GMDS: variants seen among roughly 807,000 people sequenced by gnomAD.
GMDS encodes GDP-mannose 4,6 dehydratase.
GMDS carries 20 observed loss-of-function variants against 49.9 expected under a neutral mutation model. The ratio of observed to expected loss-of-function variants is 0.40; its 90% CI spans 0.28 to 0.58. GMDS has a LOEUF of 0.58. GMDS is among the 20% of genes least tolerant of loss of function. The probability of loss-of-function intolerance (pLI) is 0.42; values close to 1 mark genes in which losing one functional copy is unlikely to be tolerated. For synonymous variants in GMDS, 177 were observed against 178.6 expected (o/e 0.99, Z 0.07); for missense variants, 362 against 481.4 (o/e 0.75, Z 2.32).
intron 4 of GMDS, among the ~76,000 whole-genome samples, chr6:2,080,099 T>C (rs1014502522): frequency 1.3e-5 from 2 of 152,194 alleles, no homozygotes; most frequent in African/African-American, 4.8e-5. Flanking sequence ...ATCTAGACTA[T>C]TGTTGAATCT....
intron 4 of GMDS, among the ~76,000 whole-genome samples, chr6:1,968,525 G>A (rs148671272): frequency 9.9e-4 from 151 of 152,196 alleles, no homozygotes; most frequent in Admixed American, 9.1e-3. Flanking sequence ...CCCCTCTTGC[G>A]GGGTTTACAG....
intron 7 of GMDS, among the ~76,000 whole-genome samples, chr6:1,924,916 CCACTGCACTCCA>C (rs1280846276): frequency 3.3e-5 from 5 of 151,894 alleles, no homozygotes; most frequent in African/African-American, 1.2e-4. Flanking sequence ...CGAAATCGCA[CCACTGCACTCCA>C]GCCCGGGCGA....
At chr6:1,663,159 T>G (rs56008940) in intron 9 of GMDS, among the ~76,000 whole-genome samples, 19,544 of 152,224 alleles carry the variant, frequency 0.13, 1,685 homozygotes, top group Non-Finnish European at 0.18. Flanking sequence ...TTTCATAGTG[T>G]CTTATGGCTT....
At chr6:1,953,291 C>T (rs1054116288) in intron 6 of GMDS, among the ~76,000 whole-genome samples, 4 of 152,054 alleles carry the variant, frequency 2.6e-5, no homozygotes, top group Admixed American at 2.6e-4. Flanking sequence ...ATTCTACACT[C>T]ATACTGAAAA....
At chr6:1,769,695 G>A (rs1768501280) in intron 7 of GMDS, among the ~76,000 whole-genome samples, 2 of 146,618 alleles carry the variant, frequency 1.4e-5, no homozygotes, top group African/African-American at 5.1e-5. Context: ...GAGTTTAAAT[G>A]TTTTTTATTT....
rs1287915037 is a variant in GMDS, at chr6:1,652,429, A to C, written c.988-27889T>G. On this transcript the variant is annotated intron_variant, in intron 9 of 10. Coordinates refer to ENST00000380815, the MANE Select transcript of GMDS (RefSeq NM_001500.4). ...ATATATTATATATAATATATATATA[A>C]TATATTATATATATTTATATATTAT... Among the ~76,000 whole-genome samples the C allele has an allele frequency of 3.2e-4, 6 of 18,960 alleles. 1 individual carries two copies. The East Asian group carries it at 6.9e-3, about 22-fold the overall frequency. 12.4% of individuals were successfully genotyped at this position (18,960 alleles called of 152,430 possible).
At chr6:2,044,672 C>T (rs1769894007) in intron 4 of GMDS, among the ~76,000 whole-genome samples, 1 of 152,140 alleles carries the variant, frequency 6.6e-6, no homozygotes, top group Admixed American at 6.5e-5. Flanking sequence ...GGCGTGAGTT[C>T]ACCCATATAA....
rs554227232 is a variant in GMDS, at chr6:2,187,591, G to C, written c.102+57730C>G. On this transcript the variant is annotated intron_variant, in intron 1 of 10. Coordinates refer to ENST00000380815, the MANE Select transcript of GMDS (RefSeq NM_001500.4). Reference sequence around the variant, plus strand: ...CATGAGATCCTATCCTATGAGAGTGGTGCCACCATCACTCTGCCTACTTTC... The same window carrying C: ...CATGAGATCCTATCCTATGAGAGTGCTGCCACCATCACTCTGCCTACTTTC... 7.2e-5 allele frequency among the ~76,000 whole-genome samples: 11 copies of C among 152,266 alleles called. No homozygotes were observed. The South Asian group carries it at 2.3e-3, about 32-fold the overall frequency.
intron 4 of GMDS, among the ~76,000 whole-genome samples, chr6:1,987,957 C>T (rs927169365): frequency 6.6e-6 from 1 of 152,084 alleles, no homozygotes; most frequent in African/African-American, 2.4e-5. Flanking sequence ...CTTATGGTCA[C>T]AGTTAGTAAG....
intron 7 of GMDS, among the ~76,000 whole-genome samples, chr6:1,795,194 C>T (rs187146922): frequency 3.3e-5 from 5 of 152,164 alleles, no homozygotes; most frequent in Admixed American, 6.5e-5. Flanking sequence ...AGTCAGACTC[C>T]GTCTCAAAAA....
At chr6:1,927,599 T>G (rs1424999611) in intron 7 of GMDS, among the ~76,000 whole-genome samples, 1 of 152,258 alleles carries the variant, frequency 6.6e-6, no homozygotes, top group Admixed American at 6.5e-5. Context: ...GTGGGCCTGT[T>G]GTGCCCAGAT....
At chr6:1,781,411 C>T (rs1769079111) in intron 7 of GMDS, among the ~76,000 whole-genome samples, 1 of 152,226 alleles carries the variant, frequency 6.6e-6, no homozygotes, top group Non-Finnish European at 1.5e-5. Flanking sequence ...TGCTGTTGTG[C>T]TACTCTGGGC....
chr6:1,794,968 T>C (rs754429710), intron 7 of GMDS, among the ~76,000 whole-genome samples: 2 of 151,990 alleles, frequency 1.3e-5, no homozygotes, highest in African/African-American at 4.8e-5. Context: ...GGGTGGGTGA[T>C]TACTTGAGCC....
chr6:2,066,735 C>T (rs1771621147), intron 4 of GMDS, among the ~76,000 whole-genome samples: 1 of 152,044 alleles, frequency 6.6e-6, no homozygotes, highest in Non-Finnish European at 1.5e-5. Flanking sequence ...ATATATGCGC[C>T]CAATACAGGA....
At chr6:2,020,909 G>A (rs925212388) in intron 4 of GMDS, among the ~76,000 whole-genome samples, 11 of 152,186 alleles carry the variant, frequency 7.2e-5, no homozygotes, top group South Asian at 2.1e-4. Flanking sequence ...AAACCCCAGC[G>A]CTGCATATGT....
At chr6:1,655,059 CA>C (rs66508419) in intron 9 of GMDS, among the ~76,000 whole-genome samples, 18,872 of 117,198 alleles carry the variant, frequency 0.16, 1,111 homozygotes, top group Non-Finnish European at 0.2. Flanking sequence ...GATACCGTCT[CA>C]AAAAAAAAAA....
chr6:1,822,507 G>A lies in GMDS; in HGVS notation c.772-79921C>T, dbSNP rs577080788. Among the ~76,000 whole-genome samples the A allele has an allele frequency of 1.0e-3, 152 of 152,172 alleles. 1 individual carries two copies. The highest frequency in any genetic ancestry group is 1.5e-3 in the Non-Finnish European group (105 of 68,012). On this transcript the variant is annotated intron_variant, in intron 7 of 10. Transcript: ENST00000380815. ...CGAATTCCAAGAGTAGAAAGGAATC[G>A]TGGAAACAATACATAGTCATGAGAT...
intron 1 of GMDS, among the ~76,000 whole-genome samples, chr6:2,202,548 C>A (rs1237174922): frequency 6.6e-6 from 1 of 151,802 alleles, no homozygotes; most frequent in Non-Finnish European, 1.5e-5. Flanking sequence ...GCCTCAGTTG[C>A]AGAGGAGGGG....
In GMDS at chr6:1,752,434, A is replaced by T. The variant is rs146558791; in HGVS notation, c.772-9848T>A. Among the ~76,000 whole-genome samples the T allele has an allele frequency of 8.5e-3, 1,301 of 152,354 alleles. 15 individuals are homozygous for T. Among genetic ancestry groups the T allele is most frequent in the African/African-American group, 0.029 (1,224 of 41,582 alleles). On this transcript the variant is annotated intron_variant, in intron 7 of 10. Transcript: ENST00000380815. ...ATTGGTGTACCTGAAAGTGATGGGA[A>T]GAATGGAACCAAGTTGGAAAACACT...
Sources: gnomAD v4.1 joint callset for allele counts (sites outside exome capture counted in the v4.1 genomes callset) on GRCh38, gnomAD v4.1.1 for gene constraint, MANE v1.5 for transcripts, NCBI Gene and HGNC (gene_info 2026-07-23, HGNC 2026-07-21) for gene names.